Variants in PRDX1 observed in about 807,000 individuals in gnomAD.
PRDX1 encodes peroxiredoxin 1.
A neutral mutation model predicts 20.7 loss-of-function variants in PRDX1; 19 were observed. That is an observed-to-expected ratio of 0.92 (90% CI 0.64 to 1.35). The LOEUF is 1.35. Among genes scored for constraint, PRDX1 ranks in the 40% most tolerant of loss-of-function variants. PRDX1 has a pLI of 0.00. For missense variants in PRDX1, 226 were observed against 240.0 expected (o/e 0.94, Z 0.38); for synonymous variants, 89 against 83.9 (o/e 1.06, Z -0.33).
At position 45,514,612 on chromosome 1, in the gene PRDX1, C is replaced by G. The variant is rs190956936; in HGVS notation, c.409G>C (p.Gly137Arg). The G allele has an allele frequency of 7.4e-6, 12 of 1,613,652 alleles. No individual in the cohort carries two copies. In the African/African-American group the frequency reaches 1.1e-4, roughly 14 times the overall value. The stretch of plus-strand genomic sequence containing the variant: ...TTTACAGTGATCTGCCGAAGAATAC[C>G]CTTATCATCAATGATAAAAAGGCCC... ...FRGLFIIDDKGILRQITVNDL... is the reference protein window; with the variant it reads ...FRGLFIIDDKRILRQITVNDL... The change falls in exon 5 of 6, where the codon GGT becomes CGT. Residue 137 changes from glycine (G) to arginine (R), a missense_variant. Coordinates refer to ENST00000319248, the MANE Select transcript of PRDX1 (RefSeq NM_181697.3).
At position 45,511,307 on chromosome 1, in the gene PRDX1, T is replaced by C; in HGVS notation, c.*22A>G. ...GTTCTCATGGCTGCCCACCGCAGCC[T>C]GGCACTAAAACAGCCCAGCGCTCAC... On this transcript the variant is annotated 3_prime_UTR_variant, in exon 6 of 6. Transcript: ENST00000319248. The C allele has an allele frequency of 6.3e-7, 1 of 1,578,502 alleles. No individual in the cohort carries two copies. Among genetic ancestry groups the C allele is most frequent in the Non-Finnish European group, 8.6e-7 (1 of 1,158,986 alleles).
intron 5 of PRDX1, chr1:45,512,816 T>C (rs1033227700): frequency 2.0e-5 from 3 of 152,248 alleles, no homozygotes; most frequent in African/African-American, 7.2e-5. Context: ...GTGTCATCTG[T>C]CCAGGCTAAC....
rs778050612 is a variant in PRDX1 at position 45,515,881 on chromosome 1, A to C, written c.107-74T>G. 2.2e-5 allele frequency: 30 copies of C among 1,392,340 alleles called. No individual in the cohort carries two copies. In the South Asian group the frequency reaches 2.3e-4, roughly 11 times the overall value. 86.2% of individuals were successfully genotyped at this position (1,392,340 alleles called of 1,614,324 possible). On this transcript the variant is annotated intron_variant, in intron 2 of 5. Transcript: ENST00000319248. ...GCTTTATATTTTCCTATACAAAAAG[A>C]AGCAAGTTGATGGCTGACACAATAA...
At chr1:45,514,676 G>A (rs758217691) in intron 4 of PRDX1, 39 bp from the exon 5 acceptor site, 2 of 1,610,854 alleles carry the variant, frequency 1.2e-6, no homozygotes, top group African/African-American at 1.3e-5. Context: ...TACAGGTTTA[G>A]AGATGTGCTT....
At chr1:45,518,091 A>G (rs1236370259) in intron 2 of PRDX1, among the ~76,000 whole-genome samples, 1 of 152,072 alleles carries the variant, frequency 6.6e-6, no homozygotes, top group Admixed American at 6.6e-5. Context: ...AGCACTTTGA[A>G]AGGCTAGGGC....
chr1:45,515,395 C>G (rs1238640794), intron 3 of PRDX1, among the ~76,000 whole-genome samples: 1 of 151,948 alleles, frequency 6.6e-6, no homozygotes, highest in Non-Finnish European at 1.5e-5. Flanking sequence ...GTCAGGAGAT[C>G]AAGAACATCC....
At chr1:45,515,395 C>T (rs1238640794) in intron 3 of PRDX1, among the ~76,000 whole-genome samples, 1 of 151,948 alleles carries the variant, frequency 6.6e-6, no homozygotes, top group East Asian at 1.9e-4. Context: ...GTCAGGAGAT[C>T]AAGAACATCC....
chr1:45,513,303 C>T (rs576653473), intron 5 of PRDX1: 1 of 152,282 alleles, frequency 6.6e-6, no homozygotes, highest in East Asian at 1.9e-4. Flanking sequence ...TAAGTTAGAT[C>T]TTTGGGAGTG....
chr1:45,517,556 C>T (rs1167765211), intron 2 of PRDX1, among the ~76,000 whole-genome samples: 1 of 151,996 alleles, frequency 6.6e-6, no homozygotes, highest in Admixed American at 6.6e-5. Context: ...CCAAGGCAGG[C>T]GGATCACAAG....
At chr1:45,522,598 C>G (rs143021061), upstream of PRDX1, among the ~76,000 whole-genome samples, 2 of 152,154 alleles carry the variant, frequency 1.3e-5, no homozygotes, top group Non-Finnish European at 2.9e-5. Flanking sequence ...TGACTACCCC[C>G]CACAAACACA....
intron 2 of PRDX1, among the ~76,000 whole-genome samples, chr1:45,517,223 T>A (rs886211042): frequency 5.3e-5 from 8 of 152,076 alleles, no homozygotes; most frequent in Non-Finnish European, 4.4e-5. Context: ...GTCACCTCCC[T>A]ATGGTGCAAC....
intron 2 of PRDX1, among the ~76,000 whole-genome samples, chr1:45,517,312 C>G (rs1643870427): frequency 6.6e-6 from 1 of 152,188 alleles, no homozygotes; most frequent in Non-Finnish European, 1.5e-5. Flanking sequence ...CTACCAAAAA[C>G]TAACTCCAGG....
Position 45,514,933 on chromosome 1 carries a change from G to C in PRDX1, c.323C>G (p.Pro108Arg), listed in dbSNP as rs1177591218. The C allele has an allele frequency of 6.2e-7, 1 of 1,614,172 alleles. No homozygotes were observed. Among genetic ancestry groups the C allele is most frequent in the Non-Finnish European group, 8.5e-7 (1 of 1,180,018 alleles). The change falls in exon 4 of 6, where the codon CCG (proline) becomes CGG (arginine). Residue 108 changes from proline to arginine, a missense_variant. By Grantham distance (103) the Pro-to-Arg change is moderately radical (BLOSUM62 -2). Coordinates refer to ENST00000319248, the MANE Select transcript of PRDX1 (RefSeq NM_181697.3). ...GPMNIPLVSD[P>R]KRTIAQDYGV... The stretch of plus-strand genomic sequence containing the variant: ...ATAATCCTGAGCAATGGTGCGCTTC[G>C]GGTCTGATACCAAAGGAATGTTCAT...
At chr1:45,520,205 CAAAAAAAAAAA>C (rs59260423) in intron 1 of PRDX1, among the ~76,000 whole-genome samples, 2 of 91,034 alleles carry the variant, frequency 2.2e-5, no homozygotes, top group African/African-American at 9.1e-5. Flanking sequence ...ACTCTGTCTC[CAAAAAAAAAAA>C]AAAAAAAAAG....
At chr1:45,513,842 T>C (rs572965718) in intron 5 of PRDX1, among the ~76,000 whole-genome samples, 45 of 152,322 alleles carry the variant, frequency 3.0e-4, no homozygotes, top group Non-Finnish European at 4.6e-4. Context: ...AACCCAGGTA[T>C]TGTCCAAGGT....
chr1:45,520,421 A>G (rs36034665), intron 1 of PRDX1, among the ~76,000 whole-genome samples: 127 of 152,032 alleles, frequency 8.4e-4, no homozygotes, highest in Non-Finnish European at 1.6e-3. Flanking sequence ...GATCAACACC[A>G]AGATTAGTAT....
At chr1:45,522,425 A>C (rs905461870), upstream of PRDX1, among the ~76,000 whole-genome samples, 3 of 152,050 alleles carry the variant, frequency 2.0e-5, no homozygotes, top group African/African-American at 7.2e-5. Flanking sequence ...AAATATCAGG[A>C]CTCCTAAACT....
chr1:45,512,064 TTTTTC>T (rs1643759221), intron 5 of PRDX1: 1 of 136,212 alleles, frequency 7.3e-6, no homozygotes, highest in African/African-American at 2.7e-5. Context: ...TAATCTCTTA[TTTTTC>T]TTTTTTTTTT....
intron 2 of PRDX1, among the ~76,000 whole-genome samples, chr1:45,518,232 G>T (rs1643877936): frequency 6.6e-6 from 1 of 151,922 alleles, no homozygotes; most frequent in African/African-American, 2.4e-5. Flanking sequence ...GGACGCCGAG[G>T]TGGGCGGATC....
Sources: gnomAD v4.1 joint callset for allele counts (sites outside exome capture counted in the v4.1 genomes callset) on GRCh38, gnomAD v4.1.1 for gene constraint, MANE v1.5 for transcripts, NCBI Gene and HGNC (gene_info 2026-07-23, HGNC 2026-07-21) for gene names.